Variants in GPC6 observed in about 807,000 individuals in gnomAD.
The protein encoded by GPC6 is glypican-6.
In GPC6, 14 loss-of-function variants were observed where a neutral mutation model predicts 55.2. The ratio of observed to expected loss-of-function variants is 0.25; its 90% CI spans 0.17 to 0.40. GPC6 has a LOEUF of 0.40. Ranked by LOEUF, GPC6 falls within the 10% of genes least tolerant of loss-of-function variation. GPC6 has a pLI of 1.00. For synonymous variants in GPC6, 278 were observed against 259.6 expected, an observed-to-expected ratio of 1.07 and a Z score of -0.68; for missense variants, 641 against 708.5, an observed-to-expected ratio of 0.90 and a Z score of 1.08.
At chr13:93,762,032 C>T (rs190422413) in intron 2 of GPC6, among the ~76,000 whole-genome samples, 12 of 152,248 alleles carry the variant, frequency 7.9e-5, no homozygotes, top group African/African-American at 2.6e-4. Context: ...CTCTCCTTTT[C>T]CCCTTCCTCC....
intron 4 of GPC6, among the ~76,000 whole-genome samples, chr13:94,240,179 G>C (rs987098930): frequency 6.6e-6 from 1 of 152,098 alleles, no homozygotes; most frequent in Non-Finnish European, 1.5e-5. Flanking sequence ...ACAGAACCCA[G>C]CTAGCAGAAA....
intron 2 of GPC6, among the ~76,000 whole-genome samples, chr13:93,563,673 A>G (rs1566425720): frequency 6.6e-6 from 1 of 152,022 alleles, no homozygotes. Flanking sequence ...ATTTGAAAGT[A>G]GAAATTCTTG....
chr13:93,714,415 T>C (rs534259820), intron 2 of GPC6, among the ~76,000 whole-genome samples: 2 of 151,874 alleles, frequency 1.3e-5, no homozygotes, highest in South Asian at 2.1e-4. Flanking sequence ...ATGGCTATTA[T>C]TAAACAGTCA....
At chr13:94,115,791 C>T (rs1886412921) in intron 4 of GPC6, among the ~76,000 whole-genome samples, 1 of 152,084 alleles carries the variant, frequency 6.6e-6, no homozygotes, top group East Asian at 1.9e-4. Context: ...AAAAATTAGA[C>T]ATTTTAGCTT....
chr13:93,351,415 C>CT (rs1566312276), intron 1 of GPC6, among the ~76,000 whole-genome samples: 1 of 151,804 alleles, frequency 6.6e-6, no homozygotes, highest in African/African-American at 2.4e-5. Context: ...ATTTAGTTGT[C>CT]AAAAAAGAGT....
intron 2 of GPC6, among the ~76,000 whole-genome samples, chr13:93,801,804 A>G (rs1002974715): frequency 1.3e-5 from 2 of 152,226 alleles, no homozygotes; most frequent in African/African-American, 2.4e-5. Flanking sequence ...TAAAACATAA[A>G]TGAACTTCCA....
chr13:93,729,198 C>T (rs2138834017), intron 2 of GPC6, among the ~76,000 whole-genome samples: 1 of 152,178 alleles, frequency 6.6e-6, no homozygotes, highest in Non-Finnish European at 1.5e-5. Context: ...GTAGCTTAAC[C>T]TACACCCAGA....
chr13:94,275,743 A>AG, intron 4 of GPC6, among the ~76,000 whole-genome samples: 1 of 152,092 alleles, frequency 6.6e-6, no homozygotes, highest in Admixed American at 6.6e-5. Context: ...AAAATGAAAA[A>AG]AAAATCCAAC....
chr13:93,893,174 C>G (rs1038350276), intron 3 of GPC6, among the ~76,000 whole-genome samples: 1 of 151,860 alleles, frequency 6.6e-6, no homozygotes, highest in Non-Finnish European at 1.5e-5. Flanking sequence ...ATTCTCCTGC[C>G]TCAGCCTTCC....
At chr13:93,334,345 C>T (rs933306244) in intron 1 of GPC6, among the ~76,000 whole-genome samples, 2 of 152,146 alleles carry the variant, frequency 1.3e-5, no homozygotes, top group Admixed American at 1.3e-4. Flanking sequence ...CTTCAATATA[C>T]ATCATAGAAT....
At chr13:93,798,796 G>A (rs1358840121) in intron 2 of GPC6, among the ~76,000 whole-genome samples, 5 of 151,754 alleles carry the variant, frequency 3.3e-5, no homozygotes, top group Non-Finnish European at 2.9e-5. Flanking sequence ...GTGTGTGCCT[G>A]TAATCCCAGG....
chr13:94,068,350 C>T (rs1884609416), intron 4 of GPC6, among the ~76,000 whole-genome samples: 1 of 152,144 alleles, frequency 6.6e-6, no homozygotes, highest in African/African-American at 2.4e-5. Context: ...TATCTCCCAC[C>T]AGGTTCCTCC....
chr13:93,462,799 TGAAAA>T (rs1349733263), intron 1 of GPC6, among the ~76,000 whole-genome samples: 4 of 152,008 alleles, frequency 2.6e-5, no homozygotes, highest in African/African-American at 4.8e-5. Context: ...GTATATAAGA[TGAAAA>T]GAATCAAAGG....
intron 3 of GPC6, among the ~76,000 whole-genome samples, chr13:94,009,296 T>G (rs1882146722): frequency 6.6e-6 from 1 of 152,208 alleles, no homozygotes; most frequent in Admixed American, 6.5e-5. Context: ...TATAGGAAAG[T>G]CACTCAATTC....
intron 2 of GPC6, among the ~76,000 whole-genome samples, chr13:93,818,186 T>C (rs1159343927): frequency 6.6e-5 from 10 of 150,564 alleles, no homozygotes; most frequent in African/African-American, 2.4e-4. Flanking sequence ...TACAAAAATA[T>C]TACTTTTCAA....
intron 4 of GPC6, among the ~76,000 whole-genome samples, chr13:94,244,283 G>A (rs1285104642): frequency 2.0e-5 from 3 of 152,078 alleles, no homozygotes; most frequent in Admixed American, 6.6e-5. Flanking sequence ...AATTATGTCC[G>A]CATTATTTTG....
At chr13:93,886,521 T>C (rs2140313987) in intron 3 of GPC6, among the ~76,000 whole-genome samples, 1 of 152,102 alleles carries the variant, frequency 6.6e-6, no homozygotes, top group African/African-American at 2.4e-5. Flanking sequence ...ATCTTGAAAA[T>C]TTTGGCTATA....
chr13:93,404,736 A>G (rs73550996), intron 1 of GPC6, among the ~76,000 whole-genome samples: 3,385 of 152,256 alleles, frequency 0.022, 135 homozygotes, highest in African/African-American at 0.078. Context: ...CCTATTCCCT[A>G]TAAAACTTTA....
At chr13:93,832,259 G>A (rs1452823256) in intron 3 of GPC6, among the ~76,000 whole-genome samples, 1 of 150,002 alleles carries the variant, frequency 6.7e-6, no homozygotes, top group Non-Finnish European at 1.5e-5. Flanking sequence ...ATCATCACCT[G>A]AGGACTGTCA....
Sources: allele counts gnomAD v4.1 joint callset (sites outside exome capture counted in the v4.1 genomes callset), GRCh38; gene constraint gnomAD v4.1.1; transcripts MANE v1.5; gene names NCBI Gene and HGNC (gene_info 2026-07-23, HGNC 2026-07-21).